The following NELL1 variants were observed in gnomAD, a reference collection of about 807,000 sequenced individuals.
NELL1 encodes protein kinase C-binding protein NELL1.
A neutral mutation model predicts 107.4 loss-of-function variants in NELL1; 76 were observed. That is an observed-to-expected ratio of 0.71 (90% confidence interval 0.59 to 0.86). The LOEUF (loss-of-function observed/expected upper bound fraction) is 0.86, where lower values mean the gene tolerates loss of function less well. NELL1 is among the 40% of genes least tolerant of loss of function. NELL1 has a pLI of 0.00. For missense variants in NELL1, 1,024 were observed against 1,005.5 expected (o/e 1.02, Z -0.25); for synonymous variants, 353 against 341.2 (o/e 1.03, Z -0.38).
intron 12 of NELL1, among the ~76,000 whole-genome samples, chr11:21,092,750 A>AT (rs1418660248): frequency 6.6e-6 from 1 of 152,224 alleles, no homozygotes; most frequent in African/African-American, 2.4e-5. Context: ...CAGAAGCTGA[A>AT]TCTACATCAA....
chr11:21,328,910 C>A (rs1443505506), intron 14 of NELL1, among the ~76,000 whole-genome samples: 6 of 152,156 alleles, frequency 3.9e-5, no homozygotes, highest in African/African-American at 1.2e-4. Context: ...ATGCCCATAC[C>A]TCTATTATAT....
chr11:21,218,450 C>T (rs1857671763), intron 13 of NELL1, among the ~76,000 whole-genome samples: 1 of 152,166 alleles, frequency 6.6e-6, no homozygotes, highest in African/African-American at 2.4e-5. Context: ...GAGTAATTAG[C>T]TTACCCATCA....
intron 14 of NELL1, among the ~76,000 whole-genome samples, chr11:21,338,039 A>G (rs1850476550): frequency 6.6e-6 from 1 of 151,872 alleles, no homozygotes; most frequent in African/African-American, 2.4e-5. Flanking sequence ...TAGTCCTGCT[A>G]TTCTGTGACA....
At chr11:21,143,344 A>G (rs1855909261) in intron 13 of NELL1, among the ~76,000 whole-genome samples, 1 of 152,158 alleles carries the variant, frequency 6.6e-6, no homozygotes, top group South Asian at 2.1e-4. Flanking sequence ...GAGAGAATCA[A>G]GGTATAGTTA....
At chr11:20,818,252 T>A (rs1857667342) in intron 3 of NELL1, among the ~76,000 whole-genome samples, 1 of 152,206 alleles carries the variant, frequency 6.6e-6, no homozygotes, top group Non-Finnish European at 1.5e-5. Context: ...GTTTTGTGAA[T>A]CTGGGTGCTC....
chr11:21,358,494 G>A (rs554888176), intron 14 of NELL1, among the ~76,000 whole-genome samples: 23 of 151,142 alleles, frequency 1.5e-4, no homozygotes, highest in Non-Finnish European at 3.2e-4. Context: ...CTGCTCCCAG[G>A]TTCAAGCGAT....
At chr11:20,717,838 T>G (rs1855288770) in intron 2 of NELL1, among the ~76,000 whole-genome samples, 1 of 152,226 alleles carries the variant, frequency 6.6e-6, no homozygotes, top group Admixed American at 6.5e-5. Flanking sequence ...TTGTTTTGTC[T>G]TCCATCATAA....
chr11:21,052,475 C>A (rs766064481), intron 12 of NELL1, among the ~76,000 whole-genome samples: 1 of 152,048 alleles, frequency 6.6e-6, no homozygotes, highest in Non-Finnish European at 1.5e-5. Context: ...TGGTAACATT[C>A]TTCATATATG....
chr11:21,452,135 G>A (rs2133859538), intron 15 of NELL1, among the ~76,000 whole-genome samples: 1 of 152,142 alleles, frequency 6.6e-6, no homozygotes, highest in East Asian at 1.9e-4. Context: ...AAGGAGAGAG[G>A]AAGGAAACAT....
intron 4 of NELL1, among the ~76,000 whole-genome samples, chr11:20,866,224 C>T (rs1436159183): frequency 2.0e-5 from 3 of 152,162 alleles, no homozygotes; most frequent in East Asian, 1.9e-4. Context: ...CCAGATGGGA[C>T]TCTGCATCCT....
intron 13 of NELL1, among the ~76,000 whole-genome samples, chr11:21,118,944 T>G (rs1488671942): frequency 6.6e-6 from 1 of 152,072 alleles, no homozygotes; most frequent in South Asian, 2.1e-4. Flanking sequence ...ATTGGATGAT[T>G]GATTAATTAA....
chr11:20,925,282 T>G (rs1347037662), intron 7 of NELL1, among the ~76,000 whole-genome samples: 1 of 152,002 alleles, frequency 6.6e-6, no homozygotes, highest in Non-Finnish European at 1.5e-5. Flanking sequence ...TTTGTTGTAT[T>G]AATTTATTTA....
intron 2 of NELL1, among the ~76,000 whole-genome samples, chr11:20,746,448 T>A (rs891495031): frequency 9.9e-5 from 15 of 152,194 alleles, no homozygotes; most frequent in Non-Finnish European, 2.2e-4. Flanking sequence ...ATCTGTAAGA[T>A]GGAGATATTA....
chr11:20,808,521 G>T, intron 3 of NELL1, among the ~76,000 whole-genome samples: 1 of 152,228 alleles, frequency 6.6e-6, no homozygotes, highest in East Asian at 1.9e-4. Flanking sequence ...ACACTAGCTG[G>T]TGTCTAACTA....
intron 14 of NELL1, among the ~76,000 whole-genome samples, chr11:21,347,500 G>C (rs1850710487): frequency 6.6e-6 from 1 of 152,140 alleles, no homozygotes; most frequent in Non-Finnish European, 1.5e-5. Flanking sequence ...TACCTGGGAG[G>C]CTGAGGCAGG....
intron 13 of NELL1, among the ~76,000 whole-genome samples, chr11:21,121,284 T>G (rs2133741952): frequency 6.6e-6 from 1 of 152,226 alleles, no homozygotes; most frequent in African/African-American, 2.4e-5. Context: ...GTGAGAAATG[T>G]GGAGTTCAGG....
At position 20,905,865 on chromosome 11, in the gene NELL1, A is replaced by C. The variant is rs374569446; in HGVS notation, c.604-12317A>C. On this transcript the variant is annotated intron_variant, in intron 5 of 19. Transcript: ENST00000357134. The stretch of plus-strand genomic sequence containing the variant: ...GGAGAAGATAGAAAGTACTGGAAAG[A>C]AAATTTGGAACAATAATGGTTAAAA... Among the ~76,000 whole-genome samples, 99 of 152,294 alleles carry C rather than the reference A, an allele frequency of 6.5e-4. 1 individual carries two copies. The highest frequency in any genetic ancestry group is 2.3e-3 in the African/African-American group (94 of 41,570).
chr11:21,039,879 G>A (rs918797078), intron 12 of NELL1, among the ~76,000 whole-genome samples: 4 of 151,978 alleles, frequency 2.6e-5, no homozygotes, highest in African/African-American at 9.7e-5. Context: ...TTGGCTTTTG[G>A]TGTTACAAAG....
At chr11:20,672,567 C>T (rs978751811) in intron 1 of NELL1, among the ~76,000 whole-genome samples, 3 of 152,180 alleles carry the variant, frequency 2.0e-5, no homozygotes, top group Non-Finnish European at 4.4e-5. Flanking sequence ...TGCCATTCTC[C>T]AGTTCTTGTT....
Sources: gnomAD v4.1 joint callset for allele counts (sites outside exome capture counted in the v4.1 genomes callset) on GRCh38, gnomAD v4.1.1 for gene constraint, MANE v1.5 for transcripts, NCBI Gene and HGNC (gene_info 2026-07-23, HGNC 2026-07-21) for gene names.